SIM1: variants seen among roughly 807,000 people sequenced by gnomAD.
SIM1 encodes the protein SIM bHLH transcription factor 1.
SIM1 carries 18 observed loss-of-function variants against 78.2 expected under a neutral mutation model. That is an observed-to-expected ratio of 0.23 (90% CI 0.16 to 0.34). SIM1 has a LOEUF of 0.34. Among genes scored for constraint, SIM1 ranks in the 10% least tolerant of loss-of-function variants. The pLI, the probability that SIM1 is intolerant of heterozygous loss-of-function variation, is 1.00. For missense variants in SIM1, 939 were observed against 975.1 expected, an observed-to-expected ratio of 0.96 and a Z score of 0.49; for synonymous variants, 417 against 385.2, an observed-to-expected ratio of 1.08 and a Z score of -0.97.
intron 9 of SIM1, among the ~76,000 whole-genome samples, chr6:100,426,702 T>C (rs1353961771): frequency 1.3e-5 from 2 of 152,038 alleles, no homozygotes; most frequent in African/African-American, 4.8e-5. Flanking sequence ...AACAGTATTT[T>C]ATCAGTTCTT....
In SIM1 at chr6:100,464,759, T is replaced by C. The variant is rs1343976603; in HGVS notation, c.-613A>G. 1 of 152,204 alleles carries C rather than the reference T, an allele frequency of 6.6e-6. No homozygotes were observed. Among genetic ancestry groups the C allele is most frequent in the Non-Finnish European group, 1.5e-5 (1 of 68,126 alleles). 9.4% of individuals were successfully genotyped at this position (152,204 alleles called of 1,614,324 possible). ...AGCATTCCCGGCTCCCTTTTCTGGA[T>C]CATGAATTGGAGGAGGGGTGCGTGG... On this transcript the variant is annotated 5_prime_UTR_variant, in exon 1 of 12. Coordinates refer to ENST00000369208, the MANE Select transcript of SIM1 (RefSeq NM_005068.3).
Position 100,393,630 on chromosome 6 carries a change from C to A in SIM1, c.1427G>T (p.Arg476Met), listed in dbSNP as rs768829298. The A allele has an allele frequency of 1.2e-6, 2 of 1,614,162 alleles. No individual in the cohort carries two copies. The highest frequency in any genetic ancestry group is 2.2e-5 in the South Asian group (2 of 91,078). Residue 476 changes from arginine to methionine, a missense_variant, in exon 11 of 12, where the codon AGG (arginine) becomes ATG (methionine). Transcript: ENST00000369208. ...GGCCTGCGGCGTTCCCAGGAAGTACCTGCCTGCCTCACATCGGCCTCCTTC... is the reference window on the plus strand; with the variant it reads ...GGCCTGCGGCGTTCCCAGGAAGTACATGCCTGCCTCACATCGGCCTCCTTC... ...ACEGGRCEAG[R>M]YFLGTPQAGR...
At chr6:100,427,442 T>C (rs987705715) in intron 9 of SIM1, among the ~76,000 whole-genome samples, 5 of 152,212 alleles carry the variant, frequency 3.3e-5, no homozygotes, top group African/African-American at 9.6e-5. Flanking sequence ...ACTTTGAAGG[T>C]TTCATCCAAC....
At chr6:100,402,609 G>A (rs1419904594) in intron 10 of SIM1, among the ~76,000 whole-genome samples, 1 of 97,266 alleles carries the variant, frequency 1.0e-5, no homozygotes, top group Non-Finnish European at 1.9e-5. Flanking sequence ...ACGGAGTCTC[G>A]CCCTGTCGCC....
Position 100,390,351 on chromosome 6 carries a change from C to T in SIM1, c.*10G>A. 1 of 1,605,032 alleles carries T rather than the reference C, an allele frequency of 6.2e-7. No homozygotes were observed. The highest frequency in any genetic ancestry group is 8.5e-7 in the Non-Finnish European group (1 of 1,175,674). On this transcript the variant is annotated 3_prime_UTR_variant, in exon 12 of 12. Transcript: ENST00000369208. Reference sequence around the variant, plus strand: ...GAGATCCTTAAAGAACAAAATATTTCAGCAAAACATCAGCTTCCGTTGGTT... The same window carrying T: ...GAGATCCTTAAAGAACAAAATATTTTAGCAAAACATCAGCTTCCGTTGGTT...
intron 10 of SIM1, among the ~76,000 whole-genome samples, chr6:100,399,912 AC>A (rs1562234280): frequency 6.6e-6 from 1 of 152,076 alleles, no homozygotes; most frequent in African/African-American, 2.4e-5. Context: ...GGAAAGGCAA[AC>A]ATAAACAAGG....
At chr6:100,415,387 G>C (rs1300753577) in intron 10 of SIM1, among the ~76,000 whole-genome samples, 1 of 152,108 alleles carries the variant, frequency 6.6e-6, no homozygotes, top group Non-Finnish European at 1.5e-5. Flanking sequence ...ATTTTCATAA[G>C]CATAACAAAT....
At chr6:100,449,308 G>C (rs1037410455) in intron 6 of SIM1, 55 bp downstream of exon 6, 20 of 1,453,292 alleles carry the variant, frequency 1.4e-5, no homozygotes, top group Non-Finnish European at 8.7e-6. Context: ...CGCCGCACGC[G>C]CCTTGCTTCC....
At chr6:100,400,826 T>C (rs893326651) in intron 10 of SIM1, among the ~76,000 whole-genome samples, 1 of 152,110 alleles carries the variant, frequency 6.6e-6, no homozygotes, top group Non-Finnish European at 1.5e-5. Context: ...AGGGAGTAGT[T>C]GAGTTAGAAA....
Position 100,463,366 on chromosome 6 carries a change from A to T in SIM1, c.103T>A (p.Ser35Thr). Residue 35 changes from serine to threonine, a missense_variant, in exon 2 of 12, where the codon TCG (serine) becomes ACG (threonine). Ser to Thr is a moderately conservative substitution (Grantham distance 58, BLOSUM62 1). This residue lies in a region of SIM1 where 121 missense variants were observed against 124.6 expected (regional missense o/e 0.97). Coordinates refer to ENST00000369208, the MANE Select transcript of SIM1 (RefSeq NM_005068.3). ...ATTATGGATGCTTTGTCCAGCTGCG[A>T]GGTGATAGCCGAGGGCAAAGGCAGT... ...KLLPLPSAIT[S>T]QLDKASIIRL... 1 of 1,614,092 alleles carries T rather than the reference A, an allele frequency of 6.2e-7. No homozygotes were observed. The highest frequency in any genetic ancestry group is 8.5e-7 in the Non-Finnish European group (1 of 1,179,972).
chr6:100,423,035 T>C (rs1771636977), intron 9 of SIM1, among the ~76,000 whole-genome samples: 1 of 152,156 alleles, frequency 6.6e-6, no homozygotes, highest in South Asian at 2.1e-4. Flanking sequence ...GCAGTAAAAA[T>C]TTAGAAAGTG....
At chr6:100,418,981 G>T (rs1582287436) in intron 10 of SIM1, among the ~76,000 whole-genome samples, 1 of 151,974 alleles carries the variant, frequency 6.6e-6, no homozygotes, top group Non-Finnish European at 1.5e-5. Context: ...AGCCTGGCCA[G>T]CATGGTGAAA....
intron 10 of SIM1, among the ~76,000 whole-genome samples, chr6:100,409,155 C>A (rs1043368086): frequency 5.9e-5 from 9 of 151,944 alleles, no homozygotes; most frequent in Non-Finnish European, 1.0e-4. Flanking sequence ...GCACAACGTG[C>A]AGGTTAGTTA....
At chr6:100,413,979 T>C (rs1459235477) in intron 10 of SIM1, among the ~76,000 whole-genome samples, 1 of 152,214 alleles carries the variant, frequency 6.6e-6, no homozygotes, top group African/African-American at 2.4e-5. Context: ...GTGTCCTTCA[T>C]AGCAGACTTC....
At position 100,463,342 on chromosome 6, in the gene SIM1, T is replaced by C. The variant is rs1772903481; in HGVS notation, c.127A>G (p.Ile43Val). ...ITSQLDKASI[I>V]RLTTSYLKMR... is the part of the protein sequence containing the mutation. ...TTGAGATAGCTGGTCGTGAGTCTGA[T>C]TATGGATGCTTTGTCCAGCTGCGAG... Residue 43 changes from isoleucine (I) to valine (V), a missense_variant, in exon 2 of 12, where the codon ATC (isoleucine) becomes GTC (valine). By Grantham distance (29) the Ile-to-Val change is conservative. This residue lies in a region of SIM1 where 121 missense variants were observed against 124.6 expected (regional missense o/e 0.97). Coordinates refer to ENST00000369208, the MANE Select transcript of SIM1 (RefSeq NM_005068.3). The C allele has an allele frequency of 6.2e-7, 1 of 1,614,060 alleles. No individual in the cohort carries two copies. The highest frequency in any genetic ancestry group is 8.5e-7 in the Non-Finnish European group (1 of 1,179,942).
At chr6:100,447,230 G>A (rs778652442) in intron 9 of SIM1, 38 bp downstream of exon 9, 1 of 1,601,986 alleles carries the variant, frequency 6.2e-7, no homozygotes, top group South Asian at 1.1e-5. Flanking sequence ...GAGCAGGGTC[G>A]CCTGGGGTGG....
intron 2 of SIM1, among the ~76,000 whole-genome samples, chr6:100,456,330 T>C (rs1293347291): frequency 6.6e-6 from 1 of 152,164 alleles, no homozygotes; most frequent in African/African-American, 2.4e-5. Flanking sequence ...CAATTTCAGT[T>C]GGCGAGGGGG....
At chr6:100,455,790 T>C (rs1772635695) in intron 2 of SIM1, among the ~76,000 whole-genome samples, 1 of 152,210 alleles carries the variant, frequency 6.6e-6, no homozygotes, top group African/African-American at 2.4e-5. Context: ...AAGACTGCGC[T>C]GAGCATTTTG....
chr6:100,441,848 A>G (rs148870294), intron 9 of SIM1, among the ~76,000 whole-genome samples: 3,545 of 152,290 alleles, frequency 0.023, 41 homozygotes, highest in Non-Finnish European at 0.035. Flanking sequence ...ATTAATTCAG[A>G]TCAAAGCCTA....
Sources: gnomAD v4.1 joint callset for allele counts (sites outside exome capture counted in the v4.1 genomes callset) on GRCh38, gnomAD v4.1.1 for gene constraint, gnomAD v4.1.1 regional missense constraint, MANE v1.5 for transcripts, NCBI Gene and HGNC (gene_info 2026-07-23, HGNC 2026-07-21) for gene names.